The following LDLRAD4 variants were observed in gnomAD, a reference collection of about 807,000 sequenced individuals.
LDLRAD4 encodes the protein low-density lipoprotein receptor class A domain-containing protein 4.
LDLRAD4 carries 5 observed loss-of-function variants against 17.0 expected under a neutral mutation model. The ratio of observed to expected loss-of-function variants is 0.29; its 90% CI spans 0.15 to 0.62. LDLRAD4 has a LOEUF of 0.62. LDLRAD4 is among the 20% of genes least tolerant of loss of function. LDLRAD4 has a pLI of 0.84. For missense variants in LDLRAD4, 340 were observed against 424.7 expected (o/e 0.80, Z 1.75); for synonymous variants, 168 against 171.8 (o/e 0.98, Z 0.17).
chr18:13,328,753 T>A (rs948021051), intron 1 of LDLRAD4, among the ~76,000 whole-genome samples: 2 of 152,228 alleles, frequency 1.3e-5, no homozygotes, highest in Admixed American at 6.5e-5. Context: ...AAAAAACATA[T>A]AAAAAGATGT....
chr18:13,307,838 G>A (rs969464756), intron 1 of LDLRAD4, among the ~76,000 whole-genome samples: 6 of 152,276 alleles, frequency 3.9e-5, no homozygotes, highest in Admixed American at 6.5e-5. Flanking sequence ...TATATTATCC[G>A]TAATGGTCAA....
At chr18:13,246,050 T>C (rs930774613) in intron 1 of LDLRAD4, among the ~76,000 whole-genome samples, 1 of 152,246 alleles carries the variant, frequency 6.6e-6, no homozygotes, top group Non-Finnish European at 1.5e-5. Flanking sequence ...AAATTAAAAA[T>C]GCATTGTTAA....
chr18:13,568,661 A>G (rs985445941), intron 3 of LDLRAD4, among the ~76,000 whole-genome samples: 1 of 152,208 alleles, frequency 6.6e-6, no homozygotes, highest in Non-Finnish European at 1.5e-5. Context: ...TAAGGAAGAA[A>G]GGGAAGGCAG....
intron 1 of LDLRAD4, among the ~76,000 whole-genome samples, chr18:13,231,625 C>T (rs141988730): frequency 6.6e-6 from 1 of 152,338 alleles, no homozygotes; most frequent in Admixed American, 6.5e-5. Flanking sequence ...TTTCACAAAA[C>T]GCTTACATTT....
chr18:13,220,800 C>A (rs1347762461), intron 1 of LDLRAD4, among the ~76,000 whole-genome samples: 1 of 152,184 alleles, frequency 6.6e-6, no homozygotes, highest in African/African-American at 2.4e-5. Context: ...ACCTCCCTGA[C>A]TGATAGGGAA....
At chr18:13,541,943 G>A (rs1383137358) in intron 3 of LDLRAD4, among the ~76,000 whole-genome samples, 1 of 152,142 alleles carries the variant, frequency 6.6e-6, no homozygotes, top group East Asian at 1.9e-4. Context: ...GGGTGTGGTG[G>A]TACATGTCTA....
At chr18:13,339,240 T>C (rs2082252550) in intron 1 of LDLRAD4, among the ~76,000 whole-genome samples, 1 of 151,990 alleles carries the variant, frequency 6.6e-6, no homozygotes, top group Non-Finnish European at 1.5e-5. Flanking sequence ...AGACTGAGTC[T>C]TGCTCTGTTG....
intron 3 of LDLRAD4, among the ~76,000 whole-genome samples, chr18:13,604,612 G>A (rs1568394939): frequency 6.6e-6 from 1 of 152,194 alleles, no homozygotes; most frequent in Non-Finnish European, 1.5e-5. Flanking sequence ...CCAGAAATAA[G>A]ATGAATTACG....
chr18:13,416,488 C>T (rs912773171), intron 2 of LDLRAD4, among the ~76,000 whole-genome samples: 11 of 152,196 alleles, frequency 7.2e-5, no homozygotes, highest in Non-Finnish European at 1.6e-4. Flanking sequence ...CTCGGGATCA[C>T]GTCTCTGCTA....
chr18:13,548,821 G>A (rs2094400529), intron 3 of LDLRAD4, among the ~76,000 whole-genome samples: 1 of 152,230 alleles, frequency 6.6e-6, no homozygotes, highest in Non-Finnish European at 1.5e-5. Flanking sequence ...CCCCACCCAT[G>A]CCTCCCCTGC....
At chr18:13,246,829 T>G (rs2042979068) in intron 1 of LDLRAD4, among the ~76,000 whole-genome samples, 1 of 152,132 alleles carries the variant, frequency 6.6e-6, no homozygotes, top group African/African-American at 2.4e-5. Context: ...CTTCATAACC[T>G]CAGGGTTAGA....
At chr18:13,480,663 G>T (rs114065611) in intron 3 of LDLRAD4, among the ~76,000 whole-genome samples, 115 of 152,238 alleles carry the variant, frequency 7.6e-4, no homozygotes, top group African/African-American at 2.6e-3. Flanking sequence ...GGGGTGGGAG[G>T]CAGAGAGCAC....
At chr18:13,473,754 A>G (rs1317880341) in intron 3 of LDLRAD4, among the ~76,000 whole-genome samples, 3 of 148,540 alleles carry the variant, frequency 2.0e-5, no homozygotes, top group Non-Finnish European at 4.4e-5. Flanking sequence ...TCCAAATTCA[A>G]ACACTTTCTT....
chr18:13,304,044 T>G (rs1369399650), intron 1 of LDLRAD4, among the ~76,000 whole-genome samples: 2 of 152,248 alleles, frequency 1.3e-5, no homozygotes, highest in African/African-American at 2.4e-5. Flanking sequence ...AGTAGAGTCC[T>G]GCACCGCCAG....
At chr18:13,330,241 T>C (rs1345999197) in intron 1 of LDLRAD4, among the ~76,000 whole-genome samples, 1 of 152,196 alleles carries the variant, frequency 6.6e-6, no homozygotes, top group Non-Finnish European at 1.5e-5. Context: ...GGATTACAGG[T>C]GTGAGCCACT....
At chr18:13,287,000 C>T (rs932474600) in intron 1 of LDLRAD4, among the ~76,000 whole-genome samples, 2 of 152,078 alleles carry the variant, frequency 1.3e-5, no homozygotes, top group African/African-American at 2.4e-5. Flanking sequence ...GCGCTCACTC[C>T]GAGTGGAGAG....
chr18:13,281,471 A>AC (rs200931650), intron 1 of LDLRAD4, among the ~76,000 whole-genome samples: 5,087 of 152,264 alleles, frequency 0.033, 276 homozygotes, highest in African/African-American at 0.11. Context: ...CATGTGAATG[A>AC]CCATCTAATG....
chr18:13,323,583 C>T (rs1327881456), intron 1 of LDLRAD4, among the ~76,000 whole-genome samples: 3 of 152,148 alleles, frequency 2.0e-5, no homozygotes, highest in Non-Finnish European at 4.4e-5. Flanking sequence ...AACAAAACAC[C>T]CCTCAGTAAC....
intron 4 of LDLRAD4, among the ~76,000 whole-genome samples, chr18:13,640,292 C>CAAAT (rs2042430585): frequency 1.0e-5 from 1 of 98,492 alleles, no homozygotes; most frequent in Non-Finnish European, 1.9e-5. Flanking sequence ...GATTCCATCT[C>CAAAT]AAAAAAAAAA....
Sources: gnomAD v4.1 joint callset for allele counts (sites outside exome capture counted in the v4.1 genomes callset) on GRCh38, gnomAD v4.1.1 for gene constraint, MANE v1.5 for transcripts, NCBI Gene and HGNC (gene_info 2026-07-23, HGNC 2026-07-21) for gene names.